SPI1: variants seen among roughly 807,000 people sequenced by gnomAD.
SPI1 encodes transcription factor PU.1.
In SPI1, 3 loss-of-function variants were observed where a neutral mutation model predicts 30.7. The ratio of observed to expected loss-of-function variants is 0.10; its 90% CI spans 0.04 to 0.25. The LOEUF (loss-of-function observed/expected upper bound fraction) is 0.25. Ranked by LOEUF, SPI1 falls within the 10% of genes least tolerant of loss-of-function variation. SPI1 has a pLI of 1.00. For missense variants in SPI1, 261 were observed against 371.5 expected (o/e 0.70, Z 2.45); for synonymous variants, 169 against 157.1 (o/e 1.08, Z -0.56).
chr11:47,368,913 T>G (rs1014330312), intron 2 of SPI1, among the ~76,000 whole-genome samples: 15 of 152,172 alleles, frequency 9.9e-5, no homozygotes, highest in Non-Finnish European at 1.9e-4. Context: ...TAAGATGGTT[T>G]AAAAAATGGT....
chr11:47,377,650 T>A (rs1773931632), intron 1 of SPI1, among the ~76,000 whole-genome samples: 1 of 151,816 alleles, frequency 6.6e-6, no homozygotes, highest in South Asian at 2.1e-4. Flanking sequence ...GTCCCAGCCC[T>A]GTCCCCTGCC....
rs371132835 is a variant in SPI1, at chr11:47,358,018, CAT to C, written c.493+824_493+825del. On this transcript the variant is annotated intron_variant, in intron 4 of 4. Coordinates refer to ENST00000378538, the MANE Select transcript of SPI1 (RefSeq NM_003120.3). ...ACCTGCTCACACATGGGAACACACACATGCTTACACATGTTAAAACACATATC... is the reference window on the plus strand; with the variant it reads ...ACCTGCTCACACATGGGAACACACACGCTTACACATGTTAAAACACATATC... Among the ~76,000 whole-genome samples, 1,144 of 152,178 alleles carry C rather than the reference CAT, an allele frequency of 7.5e-3. 14 individuals are homozygous for C. Among genetic ancestry groups the C allele is most frequent in the African/African-American group, 0.025 (1,058 of 41,504 alleles).
intron 2 of SPI1, among the ~76,000 whole-genome samples, chr11:47,363,397 T>A (rs549605540): frequency 6.6e-6 from 1 of 151,892 alleles, no homozygotes; most frequent in Non-Finnish European, 1.5e-5. Flanking sequence ...GGCAGGCGCC[T>A]GTAATCCCAG....
At chr11:47,369,596 C>G (rs1396917468) in intron 2 of SPI1, among the ~76,000 whole-genome samples, 2 of 148,270 alleles carry the variant, frequency 1.3e-5, no homozygotes, top group Non-Finnish European at 3.0e-5. Flanking sequence ...AAACAAAAAG[C>G]TAGGTTAATT....
chr11:47,355,608 C>T, intron 4 of SPI1, 62 bp from the exon 5 acceptor site: 4 of 1,416,318 alleles, frequency 2.8e-6, no homozygotes, highest in Non-Finnish European at 3.8e-6. Context: ...GCCCCCACCG[C>T]CTTGCGTACG....
chr11:47,355,968 C>T (rs1484881032), intron 4 of SPI1, among the ~76,000 whole-genome samples: 1 of 77,974 alleles, frequency 1.3e-5, no homozygotes, highest in African/African-American at 5.7e-5. Context: ...ACCACTCACT[C>T]ATGCTCACAC....
At chr11:47,356,069 A>C (rs1329416876) in intron 4 of SPI1, among the ~76,000 whole-genome samples, 1 of 150,938 alleles carries the variant, frequency 6.6e-6, no homozygotes, top group East Asian at 2.0e-4. Flanking sequence ...ACTCACACCC[A>C]CATGCTCACA....
chr11:47,365,695 A>AT (rs1424449461), intron 2 of SPI1, among the ~76,000 whole-genome samples: 1 of 151,540 alleles, frequency 6.6e-6, no homozygotes, highest in Non-Finnish European at 1.5e-5. Flanking sequence ...ACGCTGAGAG[A>AT]TTTTTTATTT....
At position 47,374,329 on chromosome 11, in the gene SPI1, T is replaced by C. The variant is rs2095939626; in HGVS notation, c.142+1304A>G. On this transcript the variant is annotated intron_variant, in intron 2 of 4. Coordinates refer to ENST00000378538, the MANE Select transcript of SPI1 (RefSeq NM_003120.3). The surrounding 1 kb of genome is among the most constrained non-coding windows in gnomAD (Gnocchi z 4.5). ...GAATTAAAAAGGATATTTTAAAGGC[T>C]TTCTAGCCCTGAAAGATTCTAAAAG... is the stretch of plus-strand genomic sequence containing the variant. 6.6e-6 allele frequency among the ~76,000 whole-genome samples: 1 copy of C among 152,202 alleles called. No homozygotes were observed. Among genetic ancestry groups the C allele is most frequent in the African/African-American group, 2.4e-5 (1 of 41,438 alleles).
In SPI1 at chr11:47,375,752, G is replaced by A. The variant is rs370680869; in HGVS notation, c.46-23C>T. 99 of 1,595,508 alleles carry A rather than the reference G, an allele frequency of 6.2e-5. No homozygotes were observed. The highest frequency in any genetic ancestry group is 2.4e-4 in the South Asian group (22 of 90,704). ...TGGCTGCTGAGAGAGGAGGTGTCAG[G>A]GCCTGCACCATGGTGGGAGACCCCA... On this transcript the variant is annotated intron_variant, in intron 1 of 4. Transcript: ENST00000378538. The surrounding 1 kb of genome is among the most constrained non-coding windows in gnomAD (Gnocchi z 4.2).
intron 1 of SPI1, among the ~76,000 whole-genome samples, chr11:47,376,300 C>G (rs563272967): frequency 3.3e-5 from 5 of 152,188 alleles, no homozygotes; most frequent in African/African-American, 1.2e-4. Flanking sequence ...CATCAACACA[C>G]ACACTCACAC....
chr11:47,367,537 G>C lies in SPI1; in HGVS notation c.143-7497C>G, dbSNP rs539170819. ...CCACTGCACTCCAGTCTGGGCGACA[G>C]AGTGAGACTCTGCCTCAAAAAAAAA... On this transcript the variant is annotated intron_variant, in intron 2 of 4. Transcript: ENST00000378538. Among the ~76,000 whole-genome samples, 17 of 132,456 alleles carry C rather than the reference G, an allele frequency of 1.3e-4. No homozygotes were observed. The South Asian group carries it at 4.4e-3, about 34-fold the overall frequency. The allele number at this position is 132,456 out of a possible 152,430, so 86.9% of individuals were successfully genotyped here.
rs1196482232 is a variant in SPI1, at chr11:47,375,460, T to C, written c.142+173A>G. On this transcript the variant is annotated intron_variant, in intron 2 of 4. Transcript: ENST00000378538. The surrounding 1 kb of genome is among the most constrained non-coding windows in gnomAD (Gnocchi z 4.2). Reference sequence around the variant, plus strand: ...ACTGCAGAGGCTCCATAATGGAGGCTCAGGTGTGGGGGTGCAGCGATGATG... The same window carrying C: ...ACTGCAGAGGCTCCATAATGGAGGCCCAGGTGTGGGGGTGCAGCGATGATG... 6.6e-6 allele frequency among the ~76,000 whole-genome samples: 1 copy of C among 152,166 alleles called. No individual in the cohort carries two copies. Among genetic ancestry groups the C allele is most frequent in the Non-Finnish European group, 1.5e-5 (1 of 68,028 alleles).
chr11:47,360,030 C>G lies in SPI1; in HGVS notation c.153G>C (p.Trp51Cys). The change falls in exon 3 of 5, where the codon TGG becomes TGC. Residue 51 changes from tryptophan (W) to cysteine (C), a missense_variant. Trp to Cys is a radical substitution (Grantham distance 215). Coordinates refer to ENST00000378538, the MANE Select transcript of SPI1 (RefSeq NM_003120.3). ...TGTGCACGTGGTGGGGGTGGAAGTCCCAGTAATGGTCTGTGGGGGACAGCC... is the reference window on the plus strand; with the variant it reads ...TGTGCACGTGGTGGGGGTGGAAGTCGCAGTAATGGTCTGTGGGGGACAGCC... ...SDGESHSDHY[W>C]DFHPHHVHSE... 1 of 1,574,056 alleles carries G rather than the reference C, an allele frequency of 6.4e-7. No homozygotes were observed. Among genetic ancestry groups the G allele is most frequent in the Non-Finnish European group, 8.6e-7 (1 of 1,158,394 alleles).
chr11:47,356,694 T>C (rs3824869), intron 4 of SPI1, among the ~76,000 whole-genome samples: 112,470 of 151,830 alleles, frequency 0.74, 42,815 homozygotes, highest in African/African-American at 0.92. Flanking sequence ...TGCTCACCCT[T>C]GCACACACAT....
chr11:47,366,890 G>A (rs1565641730), intron 2 of SPI1, among the ~76,000 whole-genome samples: 1 of 151,746 alleles, frequency 6.6e-6, no homozygotes, highest in Non-Finnish European at 1.5e-5. Context: ...AGGTTTCGGG[G>A]CACTTGTTAC....
Position 47,378,535 on chromosome 11 carries a change from A to C in SPI1, c.-182T>G. 1.6e-6 allele frequency: 1 copy of C among 613,888 alleles called. No homozygotes were observed. The highest frequency in any genetic ancestry group is 2.9e-6 in the Non-Finnish European group (1 of 350,310). 38.0% of individuals were successfully genotyped at this position (613,888 alleles called of 1,614,324 possible). On this transcript the variant is annotated 5_prime_UTR_variant, in exon 1 of 5. Coordinates refer to ENST00000378538, the MANE Select transcript of SPI1 (RefSeq NM_003120.3). ...CCCTTGACATTGCAGGGCCAGCACA[A>C]GTTCCTGATTTTATCGAAGGGCCTG... is the stretch of plus-strand genomic sequence containing the variant.
intron 1 of SPI1, 58 bp downstream of exon 1, chr11:47,378,247 GGGCA>G (rs1482394117): frequency 3.9e-6 from 6 of 1,556,244 alleles, no homozygotes; most frequent in Admixed American, 1.7e-5. Context: ...GCGGGTTCGT[GGGCA>G]GGCAGGCAGG....
chr11:47,358,573 TCACA>T (rs1344138610), intron 4 of SPI1: 3 of 700,894 alleles, frequency 4.3e-6, no homozygotes, highest in African/African-American at 1.8e-5. Flanking sequence ...GCACACTTGC[TCACA>T]CACACCCAGA....
Sources: gnomAD v4.1 joint callset for allele counts (sites outside exome capture counted in the v4.1 genomes callset) on GRCh38, gnomAD v4.1.1 for gene constraint, Gnocchi (gnomAD v3.1) non-coding constraint, MANE v1.5 for transcripts, NCBI Gene and HGNC (gene_info 2026-07-23, HGNC 2026-07-21) for gene names.